Variants in SAMD5 observed in about 807,000 individuals in gnomAD.
The protein encoded by SAMD5 is sterile alpha motif domain-containing protein 5.
Under a neutral mutation model 11.3 loss-of-function variants are expected in SAMD5, and 13 were observed. That is an observed-to-expected ratio of 1.15 (90% CI 0.75 to 1.83). The LOEUF is 1.83. Among genes scored for constraint, SAMD5 ranks in the 40% most tolerant of loss-of-function variants. The probability of loss-of-function intolerance (pLI) is 0.00; values close to 1 mark genes in which losing one functional copy is unlikely to be tolerated. For synonymous variants in SAMD5, 129 were observed against 111.3 expected, an observed-to-expected ratio of 1.16 and a Z score of -1.00; for missense variants, 255 against 239.1, an observed-to-expected ratio of 1.07 and a Z score of -0.44.
At chr6:147,870,760 T>G in the SAMD5 span, among the ~76,000 whole-genome samples, 15 of 105,788 alleles carry the variant, frequency 1.4e-4, no homozygotes, top group East Asian at 6.3e-4. Flanking sequence ...GGGCAGGAAG[T>G]CGGGGAAGGA....
intron 1 of SAMD5, among the ~76,000 whole-genome samples, chr6:147,660,395 C>G (rs1052057442): frequency 2.0e-5 from 3 of 152,140 alleles, no homozygotes; most frequent in Admixed American, 1.3e-4. Context: ...TAGGCCTTGC[C>G]CTGCAGCCAC....
At chr6:147,892,674 G>A in the SAMD5 span, among the ~76,000 whole-genome samples, 136 of 152,190 alleles carry the variant, frequency 8.9e-4, no homozygotes, top group African/African-American at 2.8e-3. Flanking sequence ...GGAAATATTC[G>A]GAGAGCTTGG....
At chr6:147,579,907 T>C (rs919149932) in intron 1 of SAMD5, among the ~76,000 whole-genome samples, 2 of 152,244 alleles carry the variant, frequency 1.3e-5, no homozygotes, top group Non-Finnish European at 2.9e-5. Context: ...CCAGGCGCTG[T>C]TGTAAATGTT....
In SAMD5 at chr6:147,650,861, C is replaced by T. The variant is rs116969301; in HGVS notation, c.163-86456C>T. Among the ~76,000 whole-genome samples, 1,219 of 152,192 alleles carry T rather than the reference C, an allele frequency of 8.0e-3. 54 individuals carry two copies. The highest frequency in any genetic ancestry group is 0.064 in the Admixed American group (985 of 15,294). ...CCTACCTGTGCAATTTTGGTTGGAA[C>T]GCAGAAGACAGATCTAGGTCAGGGA... is the stretch of plus-strand genomic sequence containing the variant. On this transcript the variant is annotated intron_variant, in intron 1 of 1. Coordinates refer to the SAMD5 transcript ENST00000566741.
intron 1 of SAMD5, among the ~76,000 whole-genome samples, chr6:147,553,724 G>A (rs943567183): frequency 1.3e-5 from 2 of 152,138 alleles, no homozygotes; most frequent in Non-Finnish European, 2.9e-5. Context: ...TGTTTCTTCC[G>A]AGTTCATTTG....
At chr6:147,747,166 A>G in the SAMD5 span, among the ~76,000 whole-genome samples, 1 of 152,220 alleles carries the variant, frequency 6.6e-6, no homozygotes, top group Non-Finnish European at 1.5e-5. Context: ...CCTGTGGGAC[A>G]TGTGAGCACT....
chr6:147,671,201 C>T (rs554474706), intron 1 of SAMD5, among the ~76,000 whole-genome samples: 53 of 152,122 alleles, frequency 3.5e-4, no homozygotes, highest in East Asian at 3.9e-4. Context: ...TGTGGCACCC[C>T]GCAACAACTA....
At chr6:147,575,691 T>G (rs1789207426) in intron 1 of SAMD5, among the ~76,000 whole-genome samples, 1 of 152,240 alleles carries the variant, frequency 6.6e-6, no homozygotes, top group Non-Finnish European at 1.5e-5. Context: ...TGCCTGAGAC[T>G]CAGAATAAGA....
At chr6:147,601,729 T>A (rs953443066) in intron 1 of SAMD5, among the ~76,000 whole-genome samples, 3 of 152,222 alleles carry the variant, frequency 2.0e-5, no homozygotes, top group African/African-American at 7.2e-5. Context: ...TGTCTCATGT[T>A]ACTGTTCTTC....
intron 1 of SAMD5, among the ~76,000 whole-genome samples, chr6:147,627,222 A>G (rs1790068659): frequency 6.6e-6 from 1 of 152,202 alleles, no homozygotes. Flanking sequence ...CCGTGTGTCA[A>G]AAGTTACCTG....
chr6:147,765,226 A>G, the SAMD5 span, among the ~76,000 whole-genome samples: 2 of 152,068 alleles, frequency 1.3e-5, no homozygotes, highest in Non-Finnish European at 2.9e-5. Context: ...TTGTGTTTTC[A>G]AAGTATGAAC....
rs1457901647 is a variant in SAMD5, at chr6:147,737,322, A to G, written c.168A>G (p.Leu56=). Reference sequence around the variant, plus strand: ...TTCCTCTTTTTATGCTCCAGGTATTATTATGCCGCTACCTTCAAGAAGTAA... The same window carrying G: ...TTCCTCTTTTTATGCTCCAGGTATTGTTATGCCGCTACCTTCAAGAAGTAA... Residue 56 remains leucine (L), a synonymous_variant, in exon 2 of 2, where the codon TTA becomes TTG. Coordinates refer to the SAMD5 transcript ENST00000566741. The G allele has an allele frequency of 7.2e-6, 9 of 1,244,474 alleles. No homozygotes were observed. In the African/African-American group the frequency reaches 7.7e-5, roughly 11 times the overall value. The allele number at this position is 1,244,474 out of a possible 1,614,324, so 77.1% of individuals were successfully genotyped here. A position where few individuals can be genotyped will look rare whatever the true frequency, so the allele number is the denominator to read the frequency against.
At chr6:147,763,200 C>A in the SAMD5 span, among the ~76,000 whole-genome samples, 1 of 152,022 alleles carries the variant, frequency 6.6e-6, no homozygotes, top group African/African-American at 2.4e-5. Context: ...GACTCTGTCA[C>A]CCAGGCTGGA....
At chr6:147,798,393 A>C in the SAMD5 span, among the ~76,000 whole-genome samples, 1 of 150,386 alleles carries the variant, frequency 6.6e-6, no homozygotes, top group Non-Finnish European at 1.5e-5. Context: ...TGAGATTCTT[A>C]ATCCTGAGTT....
At chr6:147,931,378 T>C in the SAMD5 span, among the ~76,000 whole-genome samples, 1 of 152,168 alleles carries the variant, frequency 6.6e-6, no homozygotes, top group African/African-American at 2.4e-5. Context: ...TTAAAGCACA[T>C]ATATCTTGCA....
chr6:147,545,575 T>TG (rs1479469276), intron 1 of SAMD5, among the ~76,000 whole-genome samples: 1 of 152,002 alleles, frequency 6.6e-6, no homozygotes, highest in Non-Finnish European at 1.5e-5. Flanking sequence ...GCAGGGGCTG[T>TG]GGGGGATGGA....
intron 1 of SAMD5, among the ~76,000 whole-genome samples, chr6:147,561,163 T>C (rs1788941720): frequency 6.6e-6 from 1 of 152,182 alleles, no homozygotes; most frequent in Non-Finnish European, 1.5e-5. Context: ...TGGTATTTAT[T>C]CCTGCAGAGG....
intron 1 of SAMD5, among the ~76,000 whole-genome samples, chr6:147,629,260 G>A (rs1260238322): frequency 2.6e-5 from 4 of 152,092 alleles, no homozygotes; most frequent in East Asian, 1.9e-4. Flanking sequence ...GCAGTGAGCC[G>A]AGATTGTGTC....
the SAMD5 span, among the ~76,000 whole-genome samples, chr6:147,751,310 T>G: frequency 6.6e-6 from 1 of 152,220 alleles, no homozygotes; most frequent in African/African-American, 2.4e-5. Flanking sequence ...TTTAACATGT[T>G]ATATAGTTTA....
Sources: gnomAD v4.1 joint callset for allele counts (sites outside exome capture counted in the v4.1 genomes callset) on GRCh38, gnomAD v4.1.1 for gene constraint, MANE v1.5 for transcripts, NCBI Gene and HGNC (gene_info 2026-07-23, HGNC 2026-07-21) for gene names.